Variants in OLA1 observed in about 807,000 individuals in gnomAD.
The protein encoded by OLA1 is obg-like ATPase 1.
Under a neutral mutation model 48.4 loss-of-function variants are expected in OLA1, and 14 were observed. The ratio of observed to expected loss-of-function variants is 0.29; its 90% CI spans 0.19 to 0.45. The LOEUF is 0.45. Among genes scored for constraint, OLA1 ranks in the 20% least tolerant of loss-of-function variants. The probability of loss-of-function intolerance (pLI) is 1.00; values close to 1 mark genes in which losing one functional copy is unlikely to be tolerated. For missense variants in OLA1, 325 were observed against 467.1 expected, an observed-to-expected ratio of 0.70 and a Z score of 2.80; for synonymous variants, 127 against 150.4, an observed-to-expected ratio of 0.84 and a Z score of 1.14.
At chr2:174,095,477 T>C (rs1214297675) in intron 7 of OLA1, among the ~76,000 whole-genome samples, 1 of 152,006 alleles carries the variant, frequency 6.6e-6, no homozygotes, top group Non-Finnish European at 1.5e-5. Context: ...GCCACTTGTA[T>C]ATCTTCTTTG....
chr2:174,238,069 G>T (rs1342382745), intron 2 of OLA1, among the ~76,000 whole-genome samples: 1 of 152,138 alleles, frequency 6.6e-6, no homozygotes, highest in African/African-American at 2.4e-5. Flanking sequence ...CCCAGAAAGG[G>T]AATAAAGTAG....
intron 5 of OLA1, among the ~76,000 whole-genome samples, chr2:174,127,412 T>C (rs897492436): frequency 7.2e-5 from 11 of 152,236 alleles, no homozygotes; most frequent in Admixed American, 1.3e-4. Context: ...TAGCTGATCA[T>C]TAATCCATGT....
intron 10 of OLA1, among the ~76,000 whole-genome samples, chr2:174,076,191 C>T (rs778417527): frequency 6.6e-6 from 1 of 152,168 alleles, no homozygotes; most frequent in Non-Finnish European, 1.5e-5. Context: ...GTCAGCAAAG[C>T]AACTGATTCC....
At chr2:174,195,870 T>C (rs1213425844) in intron 4 of OLA1, among the ~76,000 whole-genome samples, 13 of 152,176 alleles carry the variant, frequency 8.5e-5, no homozygotes, top group Admixed American at 8.5e-4. Flanking sequence ...AAACTTACTT[T>C]AAATGAGTAA....
intron 5 of OLA1, chr2:174,124,397 A>C (rs1445229348): frequency 6.6e-6 from 1 of 152,252 alleles, no homozygotes; most frequent in African/African-American, 2.4e-5. Context: ...CTGCAGGAAG[A>C]GCCCAATGTG....
intron 4 of OLA1, among the ~76,000 whole-genome samples, chr2:174,163,693 A>G (rs1687065881): frequency 9.1e-6 from 1 of 109,960 alleles, no homozygotes; most frequent in African/African-American, 3.6e-5. Context: ...CTTGTCTCAA[A>G]AATAAAATAA....
At chr2:174,196,502 T>C (rs964603783) in intron 4 of OLA1, among the ~76,000 whole-genome samples, 2 of 152,106 alleles carry the variant, frequency 1.3e-5, no homozygotes, top group Non-Finnish European at 2.9e-5. Flanking sequence ...GCTGCACACA[T>C]TAAGTAAACA....
intron 7 of OLA1, among the ~76,000 whole-genome samples, chr2:174,088,129 G>T (rs1393174180): frequency 6.6e-6 from 1 of 152,090 alleles, no homozygotes; most frequent in African/African-American, 2.4e-5. Context: ...CATAAAAGAG[G>T]CTCCAGGGCT....
chr2:174,155,137 A>G (rs1686844647), intron 4 of OLA1, among the ~76,000 whole-genome samples: 1 of 152,168 alleles, frequency 6.6e-6, no homozygotes, highest in South Asian at 2.1e-4. Flanking sequence ...CTAGTGTTAG[A>G]ATATGTGATT....
chr2:174,181,363 G>A (rs918915198), intron 4 of OLA1, among the ~76,000 whole-genome samples: 4 of 152,182 alleles, frequency 2.6e-5, no homozygotes, highest in Non-Finnish European at 4.4e-5. Flanking sequence ...CTGGGGAGAG[G>A]AGGGAATGAG....
At chr2:174,096,875 T>C (rs1275701782) in intron 7 of OLA1, among the ~76,000 whole-genome samples, 1 of 152,100 alleles carries the variant, frequency 6.6e-6, no homozygotes, top group Non-Finnish European at 1.5e-5. Context: ...AATCAGGTCT[T>C]GGTTGGGAGT....
At chr2:174,184,370 A>G (rs534004813) in intron 4 of OLA1, among the ~76,000 whole-genome samples, 1 of 152,152 alleles carries the variant, frequency 6.6e-6, no homozygotes, top group South Asian at 2.1e-4. Flanking sequence ...CTTTCCAAAA[A>G]CCCATAACTC....
chr2:174,090,428 A>T (rs1685087494), intron 7 of OLA1, among the ~76,000 whole-genome samples: 1 of 152,216 alleles, frequency 6.6e-6, no homozygotes, highest in African/African-American at 2.4e-5. Context: ...ATTAGGGTAA[A>T]TTCTAATTAG....
chr2:174,179,144 C>G (rs1046397258), intron 4 of OLA1, among the ~76,000 whole-genome samples: 2 of 151,594 alleles, frequency 1.3e-5, no homozygotes, highest in Non-Finnish European at 3.0e-5. Flanking sequence ...TATGCATGCA[C>G]GTATCTTTTA....
chr2:174,115,086 T>TG (rs1558960723), intron 7 of OLA1, among the ~76,000 whole-genome samples: 2 of 151,566 alleles, frequency 1.3e-5, no homozygotes, highest in African/African-American at 4.9e-5. Flanking sequence ...ACCCTGTCTC[T>TG]GAAAAAAAAA....
intron 7 of OLA1, among the ~76,000 whole-genome samples, chr2:174,111,656 A>T (rs2105359531): frequency 6.6e-6 from 1 of 152,316 alleles, no homozygotes; most frequent in East Asian, 1.9e-4. Flanking sequence ...ACTAAACCAG[A>T]ACATTATACA....
At chr2:174,199,845 G>C (rs979695128) in intron 4 of OLA1, among the ~76,000 whole-genome samples, 2 of 152,144 alleles carry the variant, frequency 1.3e-5, no homozygotes, top group African/African-American at 4.8e-5. Context: ...TTATCTGAAA[G>C]GTTATTAAAA....
intron 4 of OLA1, among the ~76,000 whole-genome samples, chr2:174,202,730 G>T (rs561419345): frequency 6.6e-6 from 1 of 151,982 alleles, no homozygotes; most frequent in African/African-American, 2.4e-5. Context: ...ATGAACTTAT[G>T]GTATCAGAAG....
chr2:174,230,411 T>C (rs1688701989), intron 2 of OLA1, among the ~76,000 whole-genome samples: 1 of 152,176 alleles, frequency 6.6e-6, no homozygotes, highest in African/African-American at 2.4e-5. Flanking sequence ...AAAATTACTT[T>C]ATAGACATAT....
Sources: allele counts gnomAD v4.1 joint callset (sites outside exome capture counted in the v4.1 genomes callset), GRCh38; gene constraint gnomAD v4.1.1; transcripts MANE v1.5; gene names NCBI Gene and HGNC (gene_info 2026-07-23, HGNC 2026-07-21).